The following GABBR2 variants were observed in gnomAD, a reference collection of about 807,000 sequenced individuals.
GABBR2 encodes the protein G-protein coupled receptor 51.
GABBR2 carries 23 observed loss-of-function variants against 105.6 expected under a neutral mutation model. The observed-to-expected ratio is 0.22, with a 90% confidence interval of 0.16 to 0.31. GABBR2 has a LOEUF of 0.31. GABBR2 is among the 10% of genes least tolerant of loss of function. The pLI, the probability that GABBR2 is intolerant of heterozygous loss-of-function variation, is 1.00. For missense variants in GABBR2, 734 were observed against 1,245.5 expected (o/e 0.59, Z 6.18); for synonymous variants, 478 against 499.7 (o/e 0.96, Z 0.58).
At position 98,539,904 on chromosome 9, in the gene GABBR2, G is replaced by A. The variant is rs575024620; in HGVS notation, c.630+1969C>T. Among the ~76,000 whole-genome samples, 735 of 134,738 alleles carry A rather than the reference G, an allele frequency of 5.5e-3. 10 individuals carry two copies. Among genetic ancestry groups the A allele is most frequent in the African/African-American group, 0.02 (707 of 34,900 alleles). 88.4% of individuals were successfully genotyped at this position (134,738 alleles called of 152,430 possible). A position where few individuals can be genotyped will look rare whatever the true frequency, so the allele number is the denominator to read the frequency against. On this transcript the variant is annotated intron_variant, in intron 3 of 18. Transcript: ENST00000259455. ...GCACTCCAGCCTGGTGACAGAGTGA[G>A]ACTTCGTCTAAAAAAAAAAAAAAAA...
In GABBR2 at chr9:98,548,731, T is replaced by G. The variant is rs1457497517; in HGVS notation, c.460-6688A>C. 3.3e-5 allele frequency among the ~76,000 whole-genome samples: 4 copies of G among 120,236 alleles called. 1 individual carries two copies. In the Admixed American group the frequency reaches 3.7e-4, roughly 11 times the overall value. 78.9% of individuals were successfully genotyped at this position (120,236 alleles called of 152,430 possible). A position where few individuals can be genotyped will look rare whatever the true frequency, so the allele number is the denominator to read the frequency against. On this transcript the variant is annotated intron_variant, in intron 2 of 18. Coordinates refer to ENST00000259455, the MANE Select transcript of GABBR2 (RefSeq NM_005458.8). ...ATTGTAGGGGAGAAAGGAAAAGGTC[T>G]ACCTGTTAATTTTCAACACAATTGT...
At chr9:98,545,829 A>G (rs1999498) in intron 2 of GABBR2, among the ~76,000 whole-genome samples, 53,505 of 151,980 alleles carry the variant, frequency 0.35, 9,721 homozygotes, top group Middle Eastern at 0.51. Context: ...TGCCTCCTAC[A>G]TGCTCCCCAG....
chr9:98,319,523 G>A (rs1040780126), intron 13 of GABBR2, among the ~76,000 whole-genome samples: 8 of 151,172 alleles, frequency 5.3e-5, no homozygotes, highest in African/African-American at 1.9e-4. Flanking sequence ...TTCTCAACAT[G>A]GGCACTTCCA....
intron 6 of GABBR2, among the ~76,000 whole-genome samples, chr9:98,472,569 ATATC>A (rs1195702489): frequency 6.6e-6 from 1 of 152,216 alleles, no homozygotes; most frequent in Non-Finnish European, 1.5e-5. Context: ...TATAGAAGAT[ATATC>A]TATAGAAGGG....
Position 98,532,695 on chromosome 9 carries a change from C to G in GABBR2, c.630+9178G>C, listed in dbSNP as rs376011093. Among the ~76,000 whole-genome samples, 3 of 152,162 alleles carry G rather than the reference C, an allele frequency of 2.0e-5. No individual in the cohort carries two copies. The East Asian group carries it at 5.8e-4, about 29-fold the overall frequency. ...CAAAATCATAAAGCTGAGCCCATCC[C>G]ACAGTGTCTGATTCACTGGGGCTAG... On this transcript the variant is annotated intron_variant, in intron 3 of 18. Coordinates refer to ENST00000259455, the MANE Select transcript of GABBR2 (RefSeq NM_005458.8).
intron 2 of GABBR2, among the ~76,000 whole-genome samples, chr9:98,573,731 T>C (rs958830718): frequency 1.3e-5 from 2 of 152,242 alleles, no homozygotes; most frequent in African/African-American, 2.4e-5. Flanking sequence ...TAGAACAGTG[T>C]TTCTCAACCT....
At chr9:98,477,938 G>C (rs1256260792) in intron 5 of GABBR2, among the ~76,000 whole-genome samples, 1 of 152,126 alleles carries the variant, frequency 6.6e-6, no homozygotes, top group Non-Finnish European at 1.5e-5. Flanking sequence ...GGCAGCTGGG[G>C]ACCAGAGATG....
At chr9:98,561,176 T>A (rs1180464948) in intron 2 of GABBR2, among the ~76,000 whole-genome samples, 1 of 152,160 alleles carries the variant, frequency 6.6e-6, no homozygotes, top group Admixed American at 6.5e-5. Context: ...ATGGACTTTT[T>A]AAGAATTCAG....
chr9:98,616,706 A>C (rs532553921), intron 1 of GABBR2, among the ~76,000 whole-genome samples: 1 of 151,864 alleles, frequency 6.6e-6, no homozygotes, highest in African/African-American at 2.4e-5. Flanking sequence ...GTAGGCCAAG[A>C]ATGCGCCACT....
At chr9:98,556,577 G>T (rs1327342707) in intron 2 of GABBR2, among the ~76,000 whole-genome samples, 1 of 152,136 alleles carries the variant, frequency 6.6e-6, no homozygotes, top group Non-Finnish European at 1.5e-5. Flanking sequence ...CGGGGCTGGG[G>T]TTGCGCATGG....
chr9:98,349,443 C>A (rs1305669090), intron 13 of GABBR2, among the ~76,000 whole-genome samples: 1 of 144,668 alleles, frequency 6.9e-6, no homozygotes, highest in African/African-American at 2.6e-5. Context: ...ACCTCCGCCT[C>A]CTGGGTTGCA....
chr9:98,344,265 C>T (rs906125870), intron 13 of GABBR2, among the ~76,000 whole-genome samples: 8 of 152,288 alleles, frequency 5.3e-5, no homozygotes, highest in Non-Finnish European at 7.3e-5. Context: ...ACTTCAGATC[C>T]GTATGTCCAA....
At chr9:98,475,295 G>A (rs1329216155) in intron 5 of GABBR2, among the ~76,000 whole-genome samples, 3 of 151,734 alleles carry the variant, frequency 2.0e-5, no homozygotes, top group Non-Finnish European at 2.9e-5. Flanking sequence ...AGAAAAGCAG[G>A]CAGTCTCCGG....
At chr9:98,590,076 G>A (rs369008213) in intron 1 of GABBR2, among the ~76,000 whole-genome samples, 17 of 152,162 alleles carry the variant, frequency 1.1e-4, no homozygotes, top group African/African-American at 4.1e-4. Flanking sequence ...CTATCAAAGA[G>A]TTTGGCCCCA....
In GABBR2 at chr9:98,307,662, C is replaced by G. The variant is rs554694199; in HGVS notation, c.2005-1317G>C. Among the ~76,000 whole-genome samples, 64 of 152,194 alleles carry G rather than the reference C, an allele frequency of 4.2e-4. 1 individual carries two copies. The South Asian group carries it at 0.012, about 29-fold the overall frequency. On this transcript the variant is annotated intron_variant, in intron 14 of 18. Coordinates refer to ENST00000259455, the MANE Select transcript of GABBR2 (RefSeq NM_005458.8). The stretch of plus-strand genomic sequence containing the variant: ...TGTTGGCTGGGTGACCTGGGCAAGT[C>G]ACTTCACCTCTCAGGACCTTACTTT...
intron 13 of GABBR2, among the ~76,000 whole-genome samples, chr9:98,314,727 G>C (rs1165793203): frequency 6.6e-6 from 1 of 152,114 alleles, no homozygotes; most frequent in African/African-American, 2.4e-5. Context: ...CTCTCTCTTT[G>C]AGTCTGCACA....
chr9:98,539,720 A>C (rs1237927640), intron 3 of GABBR2, among the ~76,000 whole-genome samples: 2 of 152,102 alleles, frequency 1.3e-5, no homozygotes, highest in Non-Finnish European at 2.9e-5. Context: ...GATCGAGACC[A>C]TCCTAGCCAA....
intron 7 of GABBR2, among the ~76,000 whole-genome samples, chr9:98,422,674 A>G (rs945085290): frequency 6.6e-6 from 1 of 151,946 alleles, no homozygotes; most frequent in African/African-American, 2.4e-5. Flanking sequence ...GGTTAGTTAC[A>G]TATGTATACA....
intron 1 of GABBR2, among the ~76,000 whole-genome samples, chr9:98,688,844 G>T (rs943362999): frequency 6.6e-6 from 1 of 152,180 alleles, no homozygotes; most frequent in Non-Finnish European, 1.5e-5. Flanking sequence ...CTGGCCAGGT[G>T]AGCCAGGCAA....
Sources: allele counts gnomAD v4.1 joint callset (sites outside exome capture counted in the v4.1 genomes callset), GRCh38; gene constraint gnomAD v4.1.1; transcripts MANE v1.5; gene names NCBI Gene and HGNC (gene_info 2026-07-23, HGNC 2026-07-21).